ARL15: variants seen among roughly 807,000 people sequenced by gnomAD.
ARL15 encodes ARF like GTPase 15, also known as ADP-ribosylation factor-like protein 15.
ARL15 carries 19 observed loss-of-function variants against 25.2 expected under a neutral mutation model. The observed-to-expected ratio is 0.75, with a 90% CI of 0.53 to 1.10. The LOEUF (loss-of-function observed/expected upper bound fraction) is 1.10. ARL15 is among the 50% of genes least tolerant of loss of function. The pLI is 0.00. For synonymous variants in ARL15, 94 were observed against 86.8 expected (o/e 1.08, Z -0.46); for missense variants, 220 against 246.0 (o/e 0.89, Z 0.71).
At chr5:54,113,552 T>G (rs1433622544) in intron 3 of ARL15, 142 bp from the exon 4 acceptor site, 1 of 782,104 alleles carries the variant, frequency 1.3e-6, no homozygotes, top group Admixed American at 3.0e-5. Flanking sequence ...AAACAGGAAT[T>G]TAGAAAAGGC....
At chr5:54,218,922 G>A (rs1756294552) in intron 1 of ARL15, among the ~76,000 whole-genome samples, 1 of 151,230 alleles carries the variant, frequency 6.6e-6, no homozygotes, top group African/African-American at 2.4e-5. Flanking sequence ...CATTAATAAT[G>A]TAAAATATAT....
chr5:54,282,961 C>A (rs1241852917), intron 1 of ARL15, among the ~76,000 whole-genome samples: 2 of 152,194 alleles, frequency 1.3e-5, no homozygotes, highest in African/African-American at 2.4e-5. Flanking sequence ...CTACTGGTTT[C>A]TTTTCCTTTC....
intron 4 of ARL15, among the ~76,000 whole-genome samples, chr5:53,971,106 T>C (rs1251927266): frequency 6.6e-6 from 1 of 152,096 alleles, no homozygotes; most frequent in Admixed American, 6.5e-5. Context: ...AAATTATAAA[T>C]GTTAAAAGTA....
At chr5:53,928,220 G>C (rs1164034331) in intron 4 of ARL15, among the ~76,000 whole-genome samples, 1 of 152,164 alleles carries the variant, frequency 6.6e-6, no homozygotes, top group Non-Finnish European at 1.5e-5. Flanking sequence ...CCTGGAGAAG[G>C]GTATGATTTA....
chr5:53,920,187 G>T (rs1235310459), intron 4 of ARL15, among the ~76,000 whole-genome samples: 2 of 152,076 alleles, frequency 1.3e-5, no homozygotes, highest in African/African-American at 4.8e-5. Context: ...ACTTTTGGGG[G>T]TCTATTTTAC....
At chr5:54,266,941 A>C (rs896975581) in intron 1 of ARL15, among the ~76,000 whole-genome samples, 2 of 152,374 alleles carry the variant, frequency 1.3e-5, no homozygotes, top group East Asian at 1.9e-4. Context: ...ATTTTCAGGC[A>C]GACAAAAAGT....
chr5:53,967,512 C>G (rs1747603661), intron 4 of ARL15, among the ~76,000 whole-genome samples: 1 of 152,060 alleles, frequency 6.6e-6, no homozygotes, highest in East Asian at 1.9e-4. Context: ...AAAGGGATCA[C>G]AAAGAAAATA....
At chr5:54,019,581 TCTGAATGTATTTA>T (rs1749531410) in intron 4 of ARL15, among the ~76,000 whole-genome samples, 1 of 152,232 alleles carries the variant, frequency 6.6e-6, no homozygotes. Flanking sequence ...TATCTCAATC[TCTGAATGTATTTA>T]CAAATTTTCA....
intron 4 of ARL15, among the ~76,000 whole-genome samples, chr5:54,081,959 C>T (rs1008252927): frequency 4.9e-5 from 5 of 102,914 alleles, no homozygotes; most frequent in East Asian, 2.3e-4. Context: ...GGAGTGATGG[C>T]GGGCACCTGT....
intron 4 of ARL15, among the ~76,000 whole-genome samples, chr5:54,020,428 G>A (rs923611539): frequency 1.3e-5 from 2 of 152,156 alleles, no homozygotes; most frequent in Non-Finnish European, 2.9e-5. Context: ...CCCCTGCCAA[G>A]CAATAATGAG....
chr5:54,101,886 A>G (rs1489310739), intron 4 of ARL15, among the ~76,000 whole-genome samples: 1 of 152,226 alleles, frequency 6.6e-6, no homozygotes, highest in East Asian at 1.9e-4. Context: ...GGTATCCAAA[A>G]TATGCAGAAA....
In ARL15 at chr5:54,140,613, C is replaced by T. The variant is rs557526449; in HGVS notation, c.253+13967G>A. On this transcript the variant is annotated intron_variant, in intron 3 of 4. Transcript: ENST00000504924. ...TGGGAAAACATATTTATGTTTTACC[C>T]GCTTGGCATATTATAAATAGAACAA... 6.6e-5 allele frequency among the ~76,000 whole-genome samples: 10 copies of T among 152,188 alleles called. No homozygotes were observed. In the South Asian group the frequency reaches 1.5e-3, roughly 22 times the overall value.
At chr5:53,926,452 C>T (rs1307660525) in intron 4 of ARL15, among the ~76,000 whole-genome samples, 1 of 152,112 alleles carries the variant, frequency 6.6e-6, no homozygotes. Flanking sequence ...AAAGCACAGA[C>T]AGGTAAGAAT....
intron 3 of ARL15, among the ~76,000 whole-genome samples, chr5:54,144,638 TTA>T (rs1753856765): frequency 6.6e-6 from 1 of 152,180 alleles, no homozygotes; most frequent in South Asian, 2.1e-4. Flanking sequence ...TGTGTCATAA[TTA>T]TATGCTCATC....
At chr5:53,998,553 T>C (rs1031294483) in intron 4 of ARL15, among the ~76,000 whole-genome samples, 1 of 152,214 alleles carries the variant, frequency 6.6e-6, no homozygotes, top group East Asian at 1.9e-4. Flanking sequence ...AGAAAGGGAC[T>C]TCTGTAAGGA....
intron 4 of ARL15, among the ~76,000 whole-genome samples, chr5:54,056,038 C>T (rs998843954): frequency 6.6e-6 from 1 of 152,082 alleles, no homozygotes; most frequent in African/African-American, 2.4e-5. Flanking sequence ...GTCAATTTTA[C>T]ATTTATTATA....
intron 1 of ARL15, among the ~76,000 whole-genome samples, chr5:54,270,824 A>T (rs1382551713): frequency 6.6e-6 from 1 of 152,172 alleles, no homozygotes; most frequent in Non-Finnish European, 1.5e-5. Flanking sequence ...ATTGTTTTGG[A>T]ATGTGTCTGG....
chr5:54,023,639 CTT>C (rs1749686827), intron 4 of ARL15, among the ~76,000 whole-genome samples: 1 of 152,146 alleles, frequency 6.6e-6, no homozygotes, highest in African/African-American at 2.4e-5. Flanking sequence ...AAGAAGAAGC[CTT>C]AGGCCTCTCT....
At chr5:53,995,883 C>A (rs1748653174) in intron 4 of ARL15, among the ~76,000 whole-genome samples, 1 of 152,150 alleles carries the variant, frequency 6.6e-6, no homozygotes, top group Non-Finnish European at 1.5e-5. Context: ...CCCAAAGAGT[C>A]TCTAGCTTAA....
Sources: allele counts gnomAD v4.1 joint callset (sites outside exome capture counted in the v4.1 genomes callset), GRCh38; gene constraint gnomAD v4.1.1; transcripts MANE v1.5; gene names NCBI Gene and HGNC (gene_info 2026-07-23, HGNC 2026-07-21).